DACH2: variants seen among roughly 807,000 people sequenced by gnomAD.
The protein encoded by DACH2 is dachshund homolog 2.
A neutral mutation model predicts 35.8 loss-of-function variants in DACH2; 17 were observed. The observed-to-expected ratio is 0.48, with a 90% CI of 0.33 to 0.71. DACH2 has a LOEUF of 0.71. DACH2 is among the 30% of genes least tolerant of loss of function. The pLI, the probability that DACH2 is intolerant of heterozygous loss-of-function variation, is 0.02. For missense variants in DACH2, 469 were observed against 472.7 expected, an observed-to-expected ratio of 0.99 and a Z score of 0.07; for synonymous variants, 195 against 177.3, an observed-to-expected ratio of 1.10 and a Z score of -0.79.
chrX:86,546,697 G>T (rs1288103859), intron 3 of DACH2, among the ~76,000 whole-genome samples: 1 of 105,775 alleles, frequency 9.5e-6, no homozygotes, highest in East Asian at 3.0e-4. Context: ...TGTATTTTTA[G>T]TAGAGAAGGG....
intron 3 of DACH2, among the ~76,000 whole-genome samples, chrX:86,569,742 G>T (rs149010051): frequency 0.019 from 2,157 of 111,534 alleles, 59 homozygotes; most frequent in African/African-American, 0.067. Flanking sequence ...TGATAAATGG[G>T]ATCTAATTAA....
chrX:86,190,041 G>A (rs1474085505), intron 1 of DACH2, among the ~76,000 whole-genome samples: 6 of 109,427 alleles, frequency 5.5e-5, no homozygotes, highest in African/African-American at 2.0e-4. Context: ...GCATGTGCCT[G>A]TAATCCCAGC....
At chrX:86,779,520 T>C (rs558951553) in intron 7 of DACH2, among the ~76,000 whole-genome samples, 2 of 111,824 alleles carry the variant, frequency 1.8e-5, no homozygotes, top group African/African-American at 6.5e-5. Flanking sequence ...TGAAGGATTC[T>C]GAACAGAAAA....
At chrX:86,392,626 AAAT>A (rs963854175) in intron 2 of DACH2, among the ~76,000 whole-genome samples, 7 of 111,667 alleles carry the variant, frequency 6.3e-5, no homozygotes, top group African/African-American at 2.0e-4. Flanking sequence ...AAAGAGCTAG[AAAT>A]AATTATGGCA....
At chrX:86,639,550 G>A (rs905056611) in intron 3 of DACH2, among the ~76,000 whole-genome samples, 1 of 111,576 alleles carries the variant, frequency 9.0e-6, no homozygotes, top group African/African-American at 3.3e-5. Context: ...CTGAATCCAG[G>A]GGGCTGAGAA....
intron 2 of DACH2, among the ~76,000 whole-genome samples, chrX:86,500,723 G>A (rs908022388): frequency 1.5e-4 from 17 of 111,562 alleles, no homozygotes; most frequent in Admixed American, 1.2e-3. Context: ...TGGAGGAAGC[G>A]ACTCTAAGAT....
chrX:86,765,219 C>A (rs746073256), intron 7 of DACH2, among the ~76,000 whole-genome samples: 144 of 111,334 alleles, frequency 1.3e-3, no homozygotes, highest in African/African-American at 4.6e-3. Flanking sequence ...GGCATAAGTT[C>A]TTTAATTTAA....
intron 3 of DACH2, among the ~76,000 whole-genome samples, chrX:86,607,165 G>A (rs959700534): frequency 5.4e-5 from 6 of 111,145 alleles, no homozygotes; most frequent in Non-Finnish European, 1.1e-4. Context: ...TGATTATACT[G>A]TTTAGTCCAT....
intron 3 of DACH2, among the ~76,000 whole-genome samples, chrX:86,564,433 A>G (rs2039267800): frequency 9.3e-6 from 1 of 106,983 alleles, no homozygotes; most frequent in Non-Finnish European, 1.9e-5. Context: ...AATTAATTCA[A>G]CAGTTTAATC....
At chrX:86,814,557 C>T (rs963890828) in intron 9 of DACH2, 131 bp from the exon 10 acceptor site, 1 of 676,933 alleles carries the variant, frequency 1.5e-6, no homozygotes, top group African/African-American at 2.2e-5. Context: ...CAAAAGAACG[C>T]TAATCATATG....
At chrX:86,629,311 C>T (rs1335811389) in intron 3 of DACH2, among the ~76,000 whole-genome samples, 1 of 111,330 alleles carries the variant, frequency 9.0e-6, no homozygotes, top group Non-Finnish European at 1.9e-5. Context: ...GGTCATACCA[C>T]TTCTGGTATT....
intron 2 of DACH2, among the ~76,000 whole-genome samples, chrX:86,477,719 G>A (rs1043198364): frequency 2.7e-5 from 3 of 110,272 alleles, no homozygotes; most frequent in Non-Finnish European, 3.8e-5. Flanking sequence ...TTTTTTGATG[G>A]TTTTGTGATC....
chrX:86,393,695 A>G (rs1203408666), intron 2 of DACH2, among the ~76,000 whole-genome samples: 2 of 111,470 alleles, frequency 1.8e-5, no homozygotes, highest in Non-Finnish European at 3.8e-5. Flanking sequence ...GTATCAGATA[A>G]TGGGAATCTA....
At chrX:86,217,278 A>T (rs1398408494) in intron 1 of DACH2, among the ~76,000 whole-genome samples, 3 of 111,451 alleles carry the variant, frequency 2.7e-5, no homozygotes, top group Non-Finnish European at 5.6e-5. Context: ...ATGCTGTATC[A>T]TCTGTTATAA....
chrX:86,315,791 A>G (rs1291815804), intron 1 of DACH2, among the ~76,000 whole-genome samples: 1 of 28,936 alleles, frequency 3.5e-5, no homozygotes, highest in Admixed American at 2.9e-4. Context: ...GGTCGTGGAC[A>G]CACACACACA....
Position 86,159,541 on chromosome X carries a change from G to A in DACH2, c.488+10433G>A, listed in dbSNP as rs752074323. ...TACTCCATAGTACATTTTATGCAAA[G>A]CATACAATCTTTAGGTCTCACTTTA... On this transcript the variant is annotated intron_variant, in intron 1 of 11. Coordinates refer to ENST00000373125, the MANE Select transcript of DACH2 (RefSeq NM_053281.3). 3.6e-5 allele frequency among the ~76,000 whole-genome samples: 4 copies of A among 111,941 alleles called. No individual in the cohort carries two copies. The South Asian group carries it at 1.5e-3, about 42-fold the overall frequency.
chrX:86,181,488 G>A (rs1246508678), intron 1 of DACH2, among the ~76,000 whole-genome samples: 2 of 110,697 alleles, frequency 1.8e-5, no homozygotes, highest in Non-Finnish European at 3.8e-5. Flanking sequence ...TTCCTTCTTC[G>A]TTCATGTCCC....
chrX:86,242,583 G>T (rs1178681473), intron 1 of DACH2, among the ~76,000 whole-genome samples: 5 of 111,610 alleles, frequency 4.5e-5, no homozygotes, highest in East Asian at 5.7e-4. Context: ...AATGAGTTAA[G>T]ACTTTGGGGG....
intron 2 of DACH2, among the ~76,000 whole-genome samples, chrX:86,464,575 G>A (rs1305747023): frequency 9.0e-6 from 1 of 110,965 alleles, no homozygotes; most frequent in African/African-American, 3.3e-5. Context: ...TGCATGTGGG[G>A]CTTAAAACCT....
Sources: allele counts gnomAD v4.1 joint callset (sites outside exome capture counted in the v4.1 genomes callset), GRCh38; gene constraint gnomAD v4.1.1; transcripts MANE v1.5; gene names NCBI Gene and HGNC (gene_info 2026-07-23, HGNC 2026-07-21).